CCDC146: variants seen among roughly 807,000 people sequenced by gnomAD.
CCDC146 encodes coiled-coil domain containing 146, also known as coiled-coil domain-containing protein 146.
CCDC146 carries 92 observed loss-of-function variants against 119.3 expected under a neutral mutation model. The ratio of observed to expected loss-of-function variants is 0.77; its 90% CI spans 0.65 to 0.92. The LOEUF (loss-of-function observed/expected upper bound fraction) is 0.92. CCDC146 is among the 40% of genes least tolerant of loss of function. The pLI, the probability that CCDC146 is intolerant of heterozygous loss-of-function variation, is 0.00. For missense variants in CCDC146, 1,000 were observed against 1,103.0 expected, an observed-to-expected ratio of 0.91 and a Z score of 1.32; for synonymous variants, 372 against 371.8, an observed-to-expected ratio of 1.00 and a Z score of -0.01.
chr7:77,263,856 G>A (rs943800757), intron 9 of CCDC146, among the ~76,000 whole-genome samples: 3 of 152,124 alleles, frequency 2.0e-5, no homozygotes, highest in Non-Finnish European at 4.4e-5. Flanking sequence ...CCCGGGAGGC[G>A]GAGGTTGCAG....
chr7:77,262,873 C>G (rs1358947409), intron 9 of CCDC146, among the ~76,000 whole-genome samples: 1 of 152,142 alleles, frequency 6.6e-6, no homozygotes, highest in East Asian at 1.9e-4. Context: ...GTCTGGTTGC[C>G]CCTGGCTCTC....
At chr7:77,169,744 C>A (rs559382438) in intron 2 of CCDC146, among the ~76,000 whole-genome samples, 2 of 152,290 alleles carry the variant, frequency 1.3e-5, no homozygotes, top group East Asian at 3.9e-4. Context: ...CACTTCCTTA[C>A]TTTCTGGCAC....
At chr7:77,177,160 AAGT>A (rs1791512798) in intron 2 of CCDC146, among the ~76,000 whole-genome samples, 1 of 152,124 alleles carries the variant, frequency 6.6e-6, no homozygotes, top group Non-Finnish European at 1.5e-5. Context: ...TAATTACTGA[AAGT>A]ATCGGTGATT....
intron 9 of CCDC146, among the ~76,000 whole-genome samples, chr7:77,262,867 G>C (rs907034568): frequency 2.6e-5 from 4 of 152,174 alleles, no homozygotes; most frequent in African/African-American, 9.7e-5. Context: ...TGAGGGGTCT[G>C]GTTGCCCCTG....
At chr7:77,240,004 T>C (rs1792813732) in intron 3 of CCDC146, among the ~76,000 whole-genome samples, 1 of 152,228 alleles carries the variant, frequency 6.6e-6, no homozygotes, top group Non-Finnish European at 1.5e-5. Context: ...TATTCATAAT[T>C]GCGTATGGGA....
At chr7:77,154,873 C>T (rs889540162) in intron 1 of CCDC146, among the ~76,000 whole-genome samples, 12 of 151,996 alleles carry the variant, frequency 7.9e-5, no homozygotes, top group African/African-American at 1.7e-4. Context: ...CTTGAGGAAT[C>T]GCCACACTGT....
rs1467816916 is a variant in CCDC146 at position 77,274,468 on chromosome 7, T to G, written c.1270-14T>G. On this transcript the variant is annotated splice_polypyrimidine_tract_variant and intron_variant, in intron 10 of 18. Transcript: ENST00000285871. ...CAAATAACTTATAATATTATCTGTG[T>G]TTTTTTTCAAAAGAAAATTATATCA... 7.8e-6 allele frequency: 10 copies of G among 1,286,306 alleles called. No homozygotes were observed. Among genetic ancestry groups the G allele is most frequent in the African/African-American group, 1.8e-5 (1 of 56,636 alleles). The allele number at this position is 1,286,306 out of a possible 1,614,324, so 79.7% of individuals were successfully genotyped here. A position where few individuals can be genotyped will look rare whatever the true frequency, so the allele number is the denominator to read the frequency against.
At chr7:77,147,946 G>A (rs970155524) in intron 1 of CCDC146, among the ~76,000 whole-genome samples, 2 of 152,242 alleles carry the variant, frequency 1.3e-5, no homozygotes, top group Non-Finnish European at 2.9e-5. Context: ...CTGTCAGACA[G>A]GGACATTTAA....
intron 1 of CCDC146, among the ~76,000 whole-genome samples, chr7:77,150,826 TG>T (rs1022805247): frequency 1.3e-5 from 2 of 152,198 alleles, no homozygotes; most frequent in Admixed American, 6.5e-5. Context: ...AATTGGTGAA[TG>T]GCAAATAAAA....
At chr7:77,137,393 G>A (rs1389892582) in intron 1 of CCDC146, among the ~76,000 whole-genome samples, 3 of 146,098 alleles carry the variant, frequency 2.1e-5, no homozygotes, top group Non-Finnish European at 4.5e-5. Context: ...AGACTAATAA[G>A]TGTTTATAGC....
intron 1 of CCDC146, among the ~76,000 whole-genome samples, chr7:77,154,874 G>A (rs556736146): frequency 3.8e-4 from 58 of 152,052 alleles, no homozygotes; most frequent in African/African-American, 1.4e-3. Context: ...TTGAGGAATC[G>A]CCACACTGTC....
chr7:77,266,991 A>ATT lies in CCDC146; in HGVS notation c.1173+4701_1173+4702dup, dbSNP rs71085446. 2.0e-3 allele frequency among the ~76,000 whole-genome samples: 274 copies of ATT among 136,438 alleles called. 1 individual carries two copies. Among genetic ancestry groups the ATT allele is most frequent in the African/African-American group, 6.8e-3 (248 of 36,592 alleles). 89.5% of individuals were successfully genotyped at this position (136,438 alleles called of 152,430 possible). On this transcript the variant is annotated intron_variant, in intron 9 of 18. Transcript: ENST00000285871. ...CCTGTAGTGATGATAATGCAAAGGA[A>ATT]TTTTTTTTTTTTTTTTTTGAGACAG...
intron 6 of CCDC146, chr7:77,257,937 C>T (rs1174982407): frequency 6.6e-6 from 1 of 152,244 alleles, no homozygotes; most frequent in East Asian, 1.9e-4. Context: ...ACTTATTTAA[C>T]TTCTTGTAGC....
chr7:77,142,722 T>A (rs189194282), intron 1 of CCDC146, among the ~76,000 whole-genome samples: 3 of 151,730 alleles, frequency 2.0e-5, no homozygotes, highest in African/African-American at 7.3e-5. Context: ...GCTTCATCCA[T>A]GTCCCTATGA....
chr7:77,290,294 T>G (rs1336451222), intron 17 of CCDC146, among the ~76,000 whole-genome samples: 1 of 151,372 alleles, frequency 6.6e-6, no homozygotes, highest in African/African-American at 2.4e-5. Context: ...AGTTAATGGG[T>G]GCAGCACACC....
intron 1 of CCDC146, among the ~76,000 whole-genome samples, chr7:77,164,136 T>G (rs1313237551): frequency 6.6e-6 from 1 of 152,142 alleles, no homozygotes; most frequent in Non-Finnish European, 1.5e-5. Context: ...GTGCTGAGAT[T>G]ACAGGCGTGA....
intron 15 of CCDC146, among the ~76,000 whole-genome samples, chr7:77,285,161 C>G (rs998802270): frequency 1.3e-5 from 2 of 152,092 alleles, no homozygotes; most frequent in Non-Finnish European, 2.9e-5. Flanking sequence ...GTTATATGAA[C>G]TATTTTGGGA....
intron 2 of CCDC146, among the ~76,000 whole-genome samples, chr7:77,211,581 T>C (rs1792184545): frequency 6.6e-6 from 1 of 152,072 alleles, no homozygotes; most frequent in Admixed American, 6.5e-5. Flanking sequence ...TTACAGGGTT[T>C]GTGCTGCTTC....
In CCDC146 at chr7:77,286,780, A is replaced by AT. The variant is rs759493488; in HGVS notation, c.2149-17dup. 1 of 1,610,952 alleles carries AT rather than the reference A, an allele frequency of 6.2e-7. No individual in the cohort carries two copies. ...AGCTAGAGCGTTCATTTTAAAGTTA[A>AT]TGTTTTTTTCTTAATAGTTTTCACA... is the stretch of plus-strand genomic sequence containing the variant. On this transcript the variant is annotated splice_polypyrimidine_tract_variant and intron_variant, in intron 15 of 18. Transcript: ENST00000285871.
Sources: allele counts gnomAD v4.1 joint callset (sites outside exome capture counted in the v4.1 genomes callset), GRCh38; gene constraint gnomAD v4.1.1; transcripts MANE v1.5; gene names NCBI Gene and HGNC (gene_info 2026-07-23, HGNC 2026-07-21).